The following GRIK4 variants were observed in gnomAD, a reference collection of about 807,000 sequenced individuals.
GRIK4 encodes the protein glutamate ionotropic receptor kainate type subunit 4, also known as glutamate receptor ionotropic, kainate 4.
A neutral mutation model predicts 104.9 loss-of-function variants in GRIK4; 40 were observed. That is an observed-to-expected ratio of 0.38 (90% CI 0.30 to 0.50). GRIK4 has a LOEUF of 0.50. Among genes scored for constraint, GRIK4 ranks in the 20% least tolerant of loss-of-function variants. GRIK4 has a pLI of 0.93. For missense variants in GRIK4, 1,047 were observed against 1,308.1 expected (o/e 0.80, Z 3.08); for synonymous variants, 485 against 524.9 (o/e 0.92, Z 1.04).
At chr11:120,818,495 T>G (rs1953020051) in intron 5 of GRIK4, among the ~76,000 whole-genome samples, 1 of 152,248 alleles carries the variant, frequency 6.6e-6, no homozygotes, top group Admixed American at 6.5e-5. Flanking sequence ...TTTTTCAGTT[T>G]CTGGTGGAAA....
chr11:120,860,383 C>T (rs1201341625), intron 8 of GRIK4, among the ~76,000 whole-genome samples: 3 of 152,136 alleles, frequency 2.0e-5, no homozygotes, highest in African/African-American at 4.8e-5. Flanking sequence ...GAGGACACTG[C>T]CCCTCTCTAT....
In GRIK4 at chr11:120,670,693, TTTTTC is replaced by T. The variant is rs552462865; in HGVS notation, c.82+10298_82+10302del. 3.2e-3 allele frequency among the ~76,000 whole-genome samples: 470 copies of T among 146,456 alleles called. 3 individuals carry two copies. The highest frequency in any genetic ancestry group is 0.011 in the African/African-American group (446 of 38,874). On this transcript the variant is annotated intron_variant, in intron 3 of 20. Coordinates refer to ENST00000527524, the MANE Select transcript of GRIK4 (RefSeq NM_014619.5). ...ACACTTTCTGTCCTTCTCTGCTTCC[TTTTTC>T]TTTTTTTTATTTTTATTTTTATTAT... is the stretch of plus-strand genomic sequence containing the variant.
intron 1 of GRIK4, among the ~76,000 whole-genome samples, chr11:120,580,278 C>A (rs1179759398): frequency 7.7e-6 from 1 of 129,570 alleles, no homozygotes; most frequent in Non-Finnish European, 1.6e-5. Context: ...TCCTTTCTTT[C>A]TTTATTTATT....
chr11:120,940,263 T>C lies in GRIK4; in HGVS notation c.1477-84T>C. On this transcript the variant is annotated intron_variant, in intron 13 of 20. Transcript: ENST00000527524. This position sits in a 1 kb window ranked among gnomAD's most constrained non-coding sequence, Gnocchi z 4.3. ...AGCCAGACCAGCATCACATCTCCAA[T>C]AGCAGTGACGGTTGCTGGTCGCAAG... is the stretch of plus-strand genomic sequence containing the variant. 1 of 770,878 alleles carries C rather than the reference T, an allele frequency of 1.3e-6. No individual in the cohort carries two copies. Among genetic ancestry groups the C allele is most frequent in the South Asian group, 1.6e-5 (1 of 61,824 alleles). 47.8% of individuals were successfully genotyped at this position (770,878 alleles called of 1,614,324 possible). A position where few individuals can be genotyped will look rare whatever the true frequency, so the allele number is the denominator to read the frequency against.
chr11:120,942,165 T>C (rs1943740845), intron 14 of GRIK4, among the ~76,000 whole-genome samples: 1 of 152,214 alleles, frequency 6.6e-6, no homozygotes, highest in Non-Finnish European at 1.5e-5. Context: ...AGATGGTTCT[T>C]TGGGGGAAAG....
rs551512575 is a variant in GRIK4 at position 120,660,225 on chromosome 11, G to T, written c.-50-44G>T. 1.9e-4 allele frequency: 158 copies of T among 850,164 alleles called. No individual in the cohort carries two copies. In the African/African-American group the frequency reaches 2.3e-3, roughly 13 times the overall value. The allele number at this position is 850,164 out of a possible 1,614,324, so 52.7% of individuals were successfully genotyped here. A position where few individuals can be genotyped will look rare whatever the true frequency, so the allele number is the denominator to read the frequency against. On this transcript the variant is annotated intron_variant, in intron 2 of 20. Transcript: ENST00000527524. ...ACTGGGATGGTGGGGCAGCTGCCTAGCTGGAGCCTGGGACTCACGTGCCCC... is the reference window on the plus strand; with the variant it reads ...ACTGGGATGGTGGGGCAGCTGCCTATCTGGAGCCTGGGACTCACGTGCCCC...
chr11:120,681,822 G>C (rs1950197675), intron 3 of GRIK4, among the ~76,000 whole-genome samples: 1 of 152,224 alleles, frequency 6.6e-6, no homozygotes, highest in African/African-American at 2.4e-5. Flanking sequence ...TGAAGAGGAG[G>C]AGCTGTCTGT....
At chr11:120,964,749 G>C (rs1306183225) in intron 18 of GRIK4, among the ~76,000 whole-genome samples, 3 of 152,164 alleles carry the variant, frequency 2.0e-5, no homozygotes, top group African/African-American at 7.2e-5. Context: ...GTTTTCACAT[G>C]TTCTCTCACT....
At chr11:120,813,543 G>C (rs569103129) in intron 4 of GRIK4, among the ~76,000 whole-genome samples, 11 of 152,174 alleles carry the variant, frequency 7.2e-5, no homozygotes, top group Non-Finnish European at 1.5e-4. Context: ...CTGAGATTTT[G>C]GGATGTTGTG....
At chr11:120,691,316 T>G (rs1383928384) in intron 3 of GRIK4, among the ~76,000 whole-genome samples, 1 of 152,138 alleles carries the variant, frequency 6.6e-6, no homozygotes, top group Admixed American at 6.6e-5. Flanking sequence ...TTGGGAAGAT[T>G]CAGGGTGGAA....
At chr11:120,786,849 A>T (rs1036073639) in intron 3 of GRIK4, among the ~76,000 whole-genome samples, 1 of 152,190 alleles carries the variant, frequency 6.6e-6, no homozygotes, top group Admixed American at 6.5e-5. Flanking sequence ...ATCTGTCAGC[A>T]TCGGTTAGAC....
At chr11:120,639,111 C>T (rs1949436428) in intron 1 of GRIK4, among the ~76,000 whole-genome samples, 1 of 152,016 alleles carries the variant, frequency 6.6e-6, no homozygotes, top group Non-Finnish European at 1.5e-5. Flanking sequence ...AGGAGAATTG[C>T]CTGAACCATG....
At chr11:120,631,337 G>A (rs1373438759) in intron 1 of GRIK4, among the ~76,000 whole-genome samples, 3 of 152,212 alleles carry the variant, frequency 2.0e-5, no homozygotes, top group Non-Finnish European at 4.4e-5. Context: ...TCTGGGGTGG[G>A]ACCTGAGTTT....
rs1944769753 is a variant in GRIK4 at position 120,987,212 on chromosome 11, A to G, written c.*952A>G. The G allele has an allele frequency of 6.6e-6, 1 of 152,260 alleles. No homozygotes were observed. Among genetic ancestry groups the G allele is most frequent in the Middle Eastern group, 3.2e-3 (1 of 316 alleles). The allele number at this position is 152,260 out of a possible 1,614,324, so 9.4% of individuals were successfully genotyped here. On this transcript the variant is annotated 3_prime_UTR_variant, in exon 21 of 21. Coordinates refer to ENST00000527524, the MANE Select transcript of GRIK4 (RefSeq NM_014619.5). ...ACAAAGTATCCTAGGACTTTGTTTA[A>G]GGAGCGGAAAGAGCAGATAGAATTT...
intron 3 of GRIK4, among the ~76,000 whole-genome samples, chr11:120,676,564 G>A (rs1394147120): frequency 6.6e-6 from 1 of 152,132 alleles, no homozygotes; most frequent in African/African-American, 2.4e-5. Flanking sequence ...AAAACCTGAC[G>A]GGTGTCTTGA....
At chr11:120,637,376 C>T (rs111726632) in intron 1 of GRIK4, among the ~76,000 whole-genome samples, 1 of 152,180 alleles carries the variant, frequency 6.6e-6, no homozygotes. Context: ...TGGCACTTGG[C>T]AAATCCCCTT....
At chr11:120,629,112 G>C (rs1949300001) in intron 1 of GRIK4, among the ~76,000 whole-genome samples, 1 of 152,166 alleles carries the variant, frequency 6.6e-6, no homozygotes, top group African/African-American at 2.4e-5. Context: ...GGAGGGTGTT[G>C]TGGAGGAGGT....
At chr11:120,773,513 G>A (rs1010774378) in intron 3 of GRIK4, among the ~76,000 whole-genome samples, 8 of 152,226 alleles carry the variant, frequency 5.3e-5, no homozygotes, top group Non-Finnish European at 7.3e-5. Context: ...GTAAGCGTGC[G>A]AATGGATGCA....
At position 120,836,828 on chromosome 11, in the gene GRIK4, A is replaced by T; in HGVS notation, c.728A>T (p.Tyr243Phe). The stretch of plus-strand genomic sequence containing the variant: ...GGGATGGTGTCAGCCTATTACACAT[A>T]CATCTTCACTAATCTGGTAAGATGT... ...ELGMVSAYYT[Y>F]IFTNLEFSLQ... The change falls in exon 8 of 21, where the codon TAC becomes TTC. Residue 243 changes from tyrosine (Y) to phenylalanine (F), a missense_variant. Tyr to Phe is a conservative substitution (Grantham distance 22). Transcript: ENST00000527524. 1 of 1,595,758 alleles carries T rather than the reference A, an allele frequency of 6.3e-7. No individual in the cohort carries two copies.
Sources: allele counts gnomAD v4.1 joint callset (sites outside exome capture counted in the v4.1 genomes callset), GRCh38; gene constraint gnomAD v4.1.1; non-coding constraint Gnocchi (gnomAD v3.1); transcripts MANE v1.5; gene names NCBI Gene and HGNC (gene_info 2026-07-23, HGNC 2026-07-21).